FSTL5: variants seen among roughly 807,000 people sequenced by gnomAD.
The protein encoded by FSTL5 is follistatin like 5.
In FSTL5, 62 loss-of-function variants were observed where a neutral mutation model predicts 89.1. The observed-to-expected ratio is 0.70, with a 90% CI of 0.57 to 0.86. The LOEUF (loss-of-function observed/expected upper bound fraction) is 0.86, where lower values mean the gene tolerates loss of function less well. FSTL5 is among the 40% of genes least tolerant of loss of function. FSTL5 has a pLI of 0.00. For missense variants in FSTL5, 1,057 were observed against 1,001.6 expected (o/e 1.06, Z -0.75); for synonymous variants, 383 against 346.2 (o/e 1.11, Z -1.18).
chr4:161,597,379 AC>A, intron 7 of FSTL5, among the ~76,000 whole-genome samples: 1 of 151,272 alleles, frequency 6.6e-6, no homozygotes, highest in South Asian at 2.1e-4. Context: ...TATCCCAAGG[AC>A]AAAAAACCAA....
At chr4:162,082,059 T>C (rs1021031506) in intron 2 of FSTL5, among the ~76,000 whole-genome samples, 4 of 151,716 alleles carry the variant, frequency 2.6e-5, no homozygotes, top group Admixed American at 1.3e-4. Context: ...CTTTTAAAAA[T>C]AGAATTATTT....
At chr4:161,923,301 T>A (rs1448425147) in intron 3 of FSTL5, among the ~76,000 whole-genome samples, 6 of 151,300 alleles carry the variant, frequency 4.0e-5, no homozygotes, top group African/African-American at 1.5e-4. Flanking sequence ...ATCTAAACTT[T>A]AAAAAAAATT....
chr4:161,908,137 G>A (rs1733588456), intron 4 of FSTL5, among the ~76,000 whole-genome samples: 2 of 151,146 alleles, frequency 1.3e-5, no homozygotes, highest in Admixed American at 1.3e-4. Context: ...CCCTGCAATG[G>A]AAAAAAAACA....
At position 161,775,878 on chromosome 4, in the gene FSTL5, C is replaced by T; in HGVS notation, c.606G>A (p.Gln202=). ...TTGTTAATATAGTCACTAATCATAC[C>T]TGAGTTAGTTCATTAATATCTACAA... ...NGLVDINELT[Q]VIKQEELGKD... Residue 202 remains glutamine, a splice_region_variant and synonymous_variant, in exon 5 of 16, where the codon CAG becomes CAA. Transcript: ENST00000306100. The T allele has an allele frequency of 4.8e-6, 7 of 1,460,016 alleles. No homozygotes were observed. Among genetic ancestry groups the T allele is most frequent in the East Asian group, 4.9e-5 (2 of 40,652 alleles). 90.4% of individuals were successfully genotyped at this position (1,460,016 alleles called of 1,614,324 possible). A position where few individuals can be genotyped will look rare whatever the true frequency, so the allele number is the denominator to read the frequency against.
intron 9 of FSTL5, among the ~76,000 whole-genome samples, chr4:161,538,504 A>G (rs17041195): frequency 0.034 from 5,198 of 152,228 alleles, 167 homozygotes; most frequent in East Asian, 0.15. Flanking sequence ...AGAGAGCCCA[A>G]TACTCTATAT....
chr4:161,928,355 G>A lies in FSTL5; in HGVS notation c.161-7703C>T, dbSNP rs370785831. Among the ~76,000 whole-genome samples the A allele has an allele frequency of 1.2e-4, 18 of 151,900 alleles. No individual in the cohort carries two copies. The East Asian group carries it at 3.3e-3, about 28-fold the overall frequency. ...TCTCAGGTTTGGCATTGTAAATAAA[G>A]TGAGTTGCTATAAATATTTATGTAC... On this transcript the variant is annotated intron_variant, in intron 3 of 15. Coordinates refer to ENST00000306100, the MANE Select transcript of FSTL5 (RefSeq NM_020116.5).
At chr4:161,481,673 A>T (rs1403355314) in intron 12 of FSTL5, among the ~76,000 whole-genome samples, 1 of 152,196 alleles carries the variant, frequency 6.6e-6, no homozygotes, top group African/African-American at 2.4e-5. Flanking sequence ...TTATAATAAG[A>T]TAGTTATTCA....
At chr4:161,784,975 A>G (rs1367444358) in intron 4 of FSTL5, among the ~76,000 whole-genome samples, 1 of 152,058 alleles carries the variant, frequency 6.6e-6, no homozygotes, top group Non-Finnish European at 1.5e-5. Flanking sequence ...CACATTTTTA[A>G]CCCGATACTT....
chr4:161,808,927 C>T (rs1166058908), intron 4 of FSTL5, among the ~76,000 whole-genome samples: 1 of 151,998 alleles, frequency 6.6e-6, no homozygotes, highest in Non-Finnish European at 1.5e-5. Flanking sequence ...ATTAAAGAAA[C>T]GTAAATCATG....
chr4:161,524,741 C>T (rs759048640), intron 10 of FSTL5, among the ~76,000 whole-genome samples: 6 of 152,008 alleles, frequency 3.9e-5, no homozygotes, highest in African/African-American at 1.2e-4. Flanking sequence ...GGGCGGATCA[C>T]GAGGTCAGGA....
chr4:161,746,257 C>T (rs1740200300), intron 6 of FSTL5, among the ~76,000 whole-genome samples: 1 of 151,984 alleles, frequency 6.6e-6, no homozygotes, highest in South Asian at 2.1e-4. Flanking sequence ...TTTTGGATTG[C>T]ACAATATAAA....
chr4:161,806,503 A>T (rs951804042), intron 4 of FSTL5, among the ~76,000 whole-genome samples: 2 of 152,188 alleles, frequency 1.3e-5, no homozygotes, highest in Non-Finnish European at 2.9e-5. Flanking sequence ...GGCAAATATT[A>T]TAAGTAGAAA....
intron 2 of FSTL5, among the ~76,000 whole-genome samples, chr4:162,072,882 A>C (rs906851002): frequency 3.4e-4 from 52 of 151,880 alleles, no homozygotes; most frequent in African/African-American, 1.2e-3. Flanking sequence ...CTAAATCCTC[A>C]GTAGAACAAA....
intron 6 of FSTL5, among the ~76,000 whole-genome samples, chr4:161,661,799 TGGTAAC>T (rs959459444): frequency 6.6e-6 from 1 of 152,174 alleles, no homozygotes; most frequent in Non-Finnish European, 1.5e-5. Flanking sequence ...AACTTTGTTT[TGGTAAC>T]AATGGACTGG....
chr4:161,977,612 C>CAAAA (rs796909244), intron 3 of FSTL5, among the ~76,000 whole-genome samples: 55 of 95,106 alleles, frequency 5.8e-4, no homozygotes, highest in African/African-American at 1.6e-3. Context: ...GACTCCGTGT[C>CAAAA]AAAAAAAAAA....
chr4:162,074,521 T>C (rs941480605), intron 2 of FSTL5, among the ~76,000 whole-genome samples: 1 of 151,802 alleles, frequency 6.6e-6, no homozygotes, highest in African/African-American at 2.4e-5. Flanking sequence ...CTTATTAACA[T>C]ATTAAATTTC....
chr4:161,575,434 T>C (rs1166869254), intron 8 of FSTL5, among the ~76,000 whole-genome samples: 1 of 152,108 alleles, frequency 6.6e-6, no homozygotes, highest in Non-Finnish European at 1.5e-5. Context: ...ATGTCTTGAA[T>C]GGTATTGTCC....
At chr4:161,726,751 G>A (rs936463007) in intron 6 of FSTL5, among the ~76,000 whole-genome samples, 1 of 151,816 alleles carries the variant, frequency 6.6e-6, no homozygotes, top group Non-Finnish European at 1.5e-5. Flanking sequence ...TAAATAATTA[G>A]CTAACAACTT....
At chr4:162,149,496 T>C (rs72986997) in intron 1 of FSTL5, among the ~76,000 whole-genome samples, 35,110 of 151,266 alleles carry the variant, frequency 0.23, 4,233 homozygotes, top group Non-Finnish European at 0.25. Context: ...AAAAAATTAG[T>C]TCTGTGTGTT....
Sources: allele counts gnomAD v4.1 joint callset (sites outside exome capture counted in the v4.1 genomes callset), GRCh38; gene constraint gnomAD v4.1.1; transcripts MANE v1.5; gene names NCBI Gene and HGNC (gene_info 2026-07-23, HGNC 2026-07-21).